The following GAS2 variants were observed in gnomAD, a reference collection of about 807,000 sequenced individuals.
GAS2 encodes the protein growth arrest specific 2.
Under a neutral mutation model 37.5 loss-of-function variants are expected in GAS2, and 20 were observed. The observed-to-expected ratio is 0.53, with a 90% CI of 0.37 to 0.77. GAS2 has a LOEUF of 0.77. GAS2 is among the 30% of genes least tolerant of loss of function. The pLI, the probability that GAS2 is intolerant of heterozygous loss-of-function variation, is 0.00. For missense variants in GAS2, 336 were observed against 373.4 expected (o/e 0.90, Z 0.82); for synonymous variants, 144 against 132.2 (o/e 1.09, Z -0.61).
chr11:22,760,660 AT>A (rs1386136733), intron 7 of GAS2, among the ~76,000 whole-genome samples: 1 of 152,212 alleles, frequency 6.6e-6, no homozygotes, highest in Non-Finnish European at 1.5e-5. Flanking sequence ...TTTAAATTAT[AT>A]TTACATATAA....
intron 3 of GAS2, among the ~76,000 whole-genome samples, chr11:22,710,513 C>A (rs200022193): frequency 0.25 from 4,966 of 19,782 alleles, 82 homozygotes; most frequent in Middle Eastern, 0.5. Context: ...CTGTGTGTGT[C>A]TGTGTGTATA....
chr11:22,651,333 G>T (rs337507), intron 1 of GAS2, among the ~76,000 whole-genome samples: 151,417 of 152,298 alleles, frequency 0.99, 75,282 homozygotes, highest in Middle Eastern at 1. Flanking sequence ...CCGAACTTTC[G>T]CTCAGACTGC....
chr11:22,650,299 C>T (rs1485827950), intron 1 of GAS2, among the ~76,000 whole-genome samples: 1 of 150,406 alleles, frequency 6.6e-6, no homozygotes, highest in Non-Finnish European at 1.5e-5. Context: ...GTTATAATTT[C>T]TGTTCTTTTA....
chr11:22,658,518 A>G (rs560365104), intron 1 of GAS2, among the ~76,000 whole-genome samples: 4 of 152,262 alleles, frequency 2.6e-5, no homozygotes, highest in African/African-American at 9.6e-5. Flanking sequence ...CATCTTTCCC[A>G]CTTCATTAAA....
chr11:22,639,799 A>T (rs914894159), intron 1 of GAS2, among the ~76,000 whole-genome samples: 2 of 152,186 alleles, frequency 1.3e-5, no homozygotes, highest in South Asian at 2.1e-4. Context: ...ACTAGATAAA[A>T]TTTTTTCTGG....
At position 22,636,168 on chromosome 11, in the gene GAS2, G is replaced by T. The variant is rs1177166786; in HGVS notation, c.-21+10355G>T. On this transcript the variant is annotated intron_variant, in intron 1 of 5. Transcript: ENST00000528582. The stretch of plus-strand genomic sequence containing the variant: ...TTCCTGTGTTGCTTCTTGGAGAAAA[G>T]TTCACAGCATGAATCTCTACACAGT... 2.0e-5 allele frequency among the ~76,000 whole-genome samples: 3 copies of T among 152,192 alleles called. No individual in the cohort carries two copies. In the South Asian group the frequency reaches 6.2e-4, roughly 32 times the overall value.
chr11:22,786,425 C>G (rs1447806874), intron 7 of GAS2, among the ~76,000 whole-genome samples: 1 of 152,096 alleles, frequency 6.6e-6, no homozygotes, highest in Non-Finnish European at 1.5e-5. Context: ...CATTAATCTA[C>G]TTATGTATGG....
chr11:22,733,236 T>A lies in GAS2; in HGVS notation c.410-4469T>A, dbSNP rs560690932. Among the ~76,000 whole-genome samples, 15 of 151,784 alleles carry A rather than the reference T, an allele frequency of 9.9e-5. 1 individual carries two copies. The South Asian group carries it at 3.1e-3, about 31-fold the overall frequency. On this transcript the variant is annotated intron_variant, in intron 4 of 7. Transcript: ENST00000454584. ...TTAAGTAGAATCCAATTCTTCTGACTTCTAGTTTACTATTTCTTCTACTAT... is the reference window on the plus strand; with the variant it reads ...TTAAGTAGAATCCAATTCTTCTGACATCTAGTTTACTATTTCTTCTACTAT...
At chr11:22,760,861 A>G (rs149634855) in intron 7 of GAS2, among the ~76,000 whole-genome samples, 7 of 152,346 alleles carry the variant, frequency 4.6e-5, no homozygotes, top group African/African-American at 1.7e-4. Context: ...TAAAAATTTG[A>G]GAATAAATTA....
chr11:22,760,834 C>T (rs1854354567), intron 7 of GAS2, among the ~76,000 whole-genome samples: 1 of 152,030 alleles, frequency 6.6e-6, no homozygotes, highest in Admixed American at 6.6e-5. Flanking sequence ...TAAGGTAAAC[C>T]AGCAAACAGA....
At chr11:22,653,476 G>C (rs1440039560) in intron 1 of GAS2, among the ~76,000 whole-genome samples, 2 of 152,156 alleles carry the variant, frequency 1.3e-5, no homozygotes, top group East Asian at 3.9e-4. Flanking sequence ...GTTGAAAAAG[G>C]TATCAAGAAA....
At chr11:22,647,745 C>T (rs1483963245) in intron 1 of GAS2, among the ~76,000 whole-genome samples, 2 of 151,998 alleles carry the variant, frequency 1.3e-5, no homozygotes, top group African/African-American at 2.4e-5. Context: ...CTGTTCATGT[C>T]CTTCGCCCAC....
At chr11:22,727,131 C>A (rs1279882833) in intron 4 of GAS2, among the ~76,000 whole-genome samples, 3 of 151,956 alleles carry the variant, frequency 2.0e-5, no homozygotes, top group Non-Finnish European at 4.4e-5. Flanking sequence ...TGTTTCAATA[C>A]CACTCCATAC....
At position 22,755,828 on chromosome 11, in the gene GAS2, C is replaced by G. The variant is rs763321570; in HGVS notation, c.616-18C>G. The G allele has an allele frequency of 1.9e-6, 3 of 1,576,076 alleles. No homozygotes were observed. The highest frequency in any genetic ancestry group is 2.6e-6 in the Non-Finnish European group (3 of 1,146,258). ...AGCCTAATTAAGACAAATGAATGTG[C>G]CTGCTCTTCTATTTCAGGTGAAACG... On this transcript the variant is annotated intron_variant, in intron 6 of 7. Transcript: ENST00000454584.
At chr11:22,733,072 G>T (rs1018857813) in intron 4 of GAS2, among the ~76,000 whole-genome samples, 1 of 151,348 alleles carries the variant, frequency 6.6e-6, no homozygotes, top group African/African-American at 2.4e-5. Flanking sequence ...CTATACTGCT[G>T]GTCTCTGGGT....
intron 3 of GAS2, among the ~76,000 whole-genome samples, chr11:22,713,708 G>A (rs367955317): frequency 1.8e-4 from 27 of 152,208 alleles, no homozygotes; most frequent in Admixed American, 5.2e-4. Context: ...CCTATCTATA[G>A]CCTCCTTAAA....
chr11:22,645,428 A>C (rs1272674665), intron 1 of GAS2, among the ~76,000 whole-genome samples: 13 of 151,788 alleles, frequency 8.6e-5, no homozygotes, highest in Non-Finnish European at 2.9e-5. Flanking sequence ...AATCGCTTGA[A>C]CCCGGGAGGC....
rs1248394202 is a variant in GAS2, at chr11:22,696,726, C to G, written c.267+10937C>G. Reference sequence around the variant, plus strand: ...GAGCATTTTTTCATGTGTTTTTTGGCTGCATAAATGTCTTCTTTTGAGAAG... The same window carrying G: ...GAGCATTTTTTCATGTGTTTTTTGGGTGCATAAATGTCTTCTTTTGAGAAG... On this transcript the variant is annotated intron_variant, in intron 3 of 7. Transcript: ENST00000454584. Among the ~76,000 whole-genome samples the G allele has an allele frequency of 1.8e-3, 278 of 151,770 alleles. 2 individuals carry two copies. Among genetic ancestry groups the G allele is most frequent in the African/African-American group, 6.2e-3 (257 of 41,308 alleles).
At chr11:22,701,448 A>G (rs1409211890) in intron 3 of GAS2, among the ~76,000 whole-genome samples, 1 of 152,144 alleles carries the variant, frequency 6.6e-6, no homozygotes, top group East Asian at 1.9e-4. Flanking sequence ...TGAAGATAGA[A>G]TACTCTCAAG....
Sources: gnomAD v4.1 joint callset for allele counts (sites outside exome capture counted in the v4.1 genomes callset) on GRCh38, gnomAD v4.1.1 for gene constraint, MANE v1.5 for transcripts, NCBI Gene and HGNC (gene_info 2026-07-23, HGNC 2026-07-21) for gene names.